The following FHIT variants were observed in gnomAD, a reference collection of about 807,000 sequenced individuals.
The protein encoded by FHIT is fragile histidine triad diadenosine triphosphatase, also known as bis(5'-adenosyl)-triphosphatase.
Under a neutral mutation model 17.9 loss-of-function variants are expected in FHIT, and 19 were observed. That is an observed-to-expected ratio of 1.06 (90% CI 0.74 to 1.56). The LOEUF (loss-of-function observed/expected upper bound fraction) is 1.56. Among genes scored for constraint, FHIT ranks in the 40% most tolerant of loss-of-function variants. The probability of loss-of-function intolerance (pLI) is 0.00; values close to 1 mark genes in which losing one functional copy is unlikely to be tolerated. For missense variants in FHIT, 248 were observed against 189.2 expected, an observed-to-expected ratio of 1.31 and a Z score of -1.82; for synonymous variants, 81 against 69.7, an observed-to-expected ratio of 1.16 and a Z score of -0.81.
intron 5 of FHIT, among the ~76,000 whole-genome samples, chr3:60,354,819 T>C (rs1699574202): frequency 6.6e-6 from 1 of 152,178 alleles, no homozygotes. Context: ...TTTATTCTTG[T>C]TATTCTTTAG....
At chr3:60,523,307 C>T (rs530552047) in intron 5 of FHIT, among the ~76,000 whole-genome samples, 6 of 152,242 alleles carry the variant, frequency 3.9e-5, no homozygotes, top group African/African-American at 1.4e-4. Context: ...TTTACTACTT[C>T]TTGAATTTTG....
At chr3:60,499,185 G>C (rs745413359) in intron 5 of FHIT, among the ~76,000 whole-genome samples, 3 of 152,154 alleles carry the variant, frequency 2.0e-5, no homozygotes, top group Non-Finnish European at 2.9e-5. Context: ...GGTGAATATA[G>C]CAAGGTATGA....
intron 3 of FHIT, among the ~76,000 whole-genome samples, chr3:60,950,791 GA>G (rs1470301620): frequency 2.0e-4 from 30 of 151,816 alleles, no homozygotes; most frequent in African/African-American, 6.3e-4. Flanking sequence ...CCAAAGTGCT[GA>G]GATTACAGGC....
intron 3 of FHIT, among the ~76,000 whole-genome samples, chr3:60,882,918 T>C (rs572715907): frequency 1.9e-4 from 29 of 152,234 alleles, no homozygotes; most frequent in African/African-American, 6.7e-4. Flanking sequence ...AAGGAAGAAG[T>C]CAAATTGTCC....
At position 60,183,814 on chromosome 3, in the gene FHIT, G is replaced by A. The variant is rs146153116; in HGVS notation, c.104-169662C>T. Among the ~76,000 whole-genome samples, 480 of 152,054 alleles carry A rather than the reference G, an allele frequency of 3.2e-3. 14 individuals are homozygous for A. Among genetic ancestry groups the A allele is most frequent in the South Asian group, 1.0e-2 (48 of 4,816 alleles). On this transcript the variant is annotated intron_variant, in intron 5 of 9. Transcript: ENST00000492590. ...CCAGATCCTGATGACAGTCAACAGC[G>A]TTAACGTTTTTACTTTTTAATTTTA...
At chr3:60,387,235 C>T (rs1295160220) in intron 5 of FHIT, among the ~76,000 whole-genome samples, 2 of 152,076 alleles carry the variant, frequency 1.3e-5, no homozygotes, top group African/African-American at 4.8e-5. Flanking sequence ...AAGTGATCCA[C>T]CCACCTTGGC....
intron 5 of FHIT, among the ~76,000 whole-genome samples, chr3:60,356,752 A>C (rs1699670980): frequency 1.2e-5 from 1 of 86,458 alleles, no homozygotes; most frequent in African/African-American, 5.2e-5. Flanking sequence ...GAAGACAGAG[A>C]CAAAAAAAAA....
chr3:60,871,698 A>G (rs898932259), intron 3 of FHIT, among the ~76,000 whole-genome samples: 10 of 152,132 alleles, frequency 6.6e-5, no homozygotes, highest in South Asian at 2.1e-4. Context: ...CAATGGCACA[A>G]TCATGGCTCA....
At chr3:60,916,027 A>T (rs1399353702) in intron 3 of FHIT, among the ~76,000 whole-genome samples, 1 of 152,178 alleles carries the variant, frequency 6.6e-6, no homozygotes, top group African/African-American at 2.4e-5. Flanking sequence ...AAATAATGGC[A>T]TATTCTAACC....
At chr3:60,188,573 A>G (rs149954740) in intron 5 of FHIT, among the ~76,000 whole-genome samples, 1 of 152,184 alleles carries the variant, frequency 6.6e-6, no homozygotes, top group Admixed American at 6.5e-5. Flanking sequence ...GTGAAGTTTC[A>G]TATGAGTTAA....
intron 4 of FHIT, among the ~76,000 whole-genome samples, chr3:60,669,557 G>T (rs1163823316): frequency 6.6e-6 from 1 of 151,984 alleles, no homozygotes; most frequent in Non-Finnish European, 1.5e-5. Flanking sequence ...ATCCAAGATA[G>T]GAAGTAGGGG....
chr3:60,304,132 T>C (rs1708564895), intron 5 of FHIT, among the ~76,000 whole-genome samples: 1 of 152,162 alleles, frequency 6.6e-6, no homozygotes. Context: ...ATCACACTAA[T>C]ACATTTATTA....
chr3:60,338,912 A>G (rs1163138295), intron 5 of FHIT, among the ~76,000 whole-genome samples: 2 of 152,192 alleles, frequency 1.3e-5, no homozygotes, highest in Non-Finnish European at 1.5e-5. Flanking sequence ...TCAGCGCACT[A>G]CTTAATAGCT....
chr3:59,968,980 G>T (rs1172398908), intron 7 of FHIT, among the ~76,000 whole-genome samples: 1 of 152,136 alleles, frequency 6.6e-6, no homozygotes, highest in Non-Finnish European at 1.5e-5. Flanking sequence ...ATTTTGCTGA[G>T]CATCATCACA....
At chr3:60,819,715 A>C (rs941360362) in intron 4 of FHIT, among the ~76,000 whole-genome samples, 12 of 152,154 alleles carry the variant, frequency 7.9e-5, no homozygotes, top group African/African-American at 2.9e-4. Flanking sequence ...CAGTTCCCAT[A>C]ACTAGCTTCA....
chr3:60,754,615 G>C (rs1559696530), intron 4 of FHIT, among the ~76,000 whole-genome samples: 1 of 151,924 alleles, frequency 6.6e-6, no homozygotes, highest in Non-Finnish European at 1.5e-5. Flanking sequence ...TGGGTGAGAA[G>C]AGTGAAACTC....
At position 61,211,309 on chromosome 3, in the gene FHIT, C is replaced by T. The variant is rs548297779; in HGVS notation, c.-212-10644G>A. On this transcript the variant is annotated intron_variant, in intron 1 of 9. Transcript: ENST00000492590. ...TAGGGTCACTCCCACCCTAATACTG[C>T]ACTTTTCCGATGGGCTTAAGAAACG... Among the ~76,000 whole-genome samples the T allele has an allele frequency of 5.5e-5, 7 of 126,944 alleles. No individual in the cohort carries two copies. The East Asian group carries it at 1.9e-3, about 35-fold the overall frequency. 83.3% of individuals were successfully genotyped at this position (126,944 alleles called of 152,430 possible). A position where few individuals can be genotyped will look rare whatever the true frequency, so the allele number is the denominator to read the frequency against.
chr3:60,607,721 TACTAATTTC>T (rs1408352607), intron 4 of FHIT, among the ~76,000 whole-genome samples: 1 of 152,174 alleles, frequency 6.6e-6, no homozygotes, highest in African/African-American at 2.4e-5. Context: ...TTTCATTTTG[TACTAATTTC>T]ACTAATTTAG....
chr3:59,939,191 A>G (rs2107260878), intron 7 of FHIT, among the ~76,000 whole-genome samples: 1 of 152,226 alleles, frequency 6.6e-6, no homozygotes, highest in Middle Eastern at 3.4e-3. Flanking sequence ...AAAATTGATC[A>G]TGTTTCTTTT....
Sources: gnomAD v4.1 joint callset for allele counts (sites outside exome capture counted in the v4.1 genomes callset) on GRCh38, gnomAD v4.1.1 for gene constraint, MANE v1.5 for transcripts, NCBI Gene and HGNC (gene_info 2026-07-23, HGNC 2026-07-21) for gene names.